Variants in PCDHGA2 observed in about 807,000 individuals in gnomAD.
PCDHGA2 encodes protocadherin gamma subfamily A, 2, also known as protocadherin gamma-A2.
A neutral mutation model predicts 59.2 loss-of-function variants in PCDHGA2; 40 were observed. That is an observed-to-expected ratio of 0.68 (90% CI 0.52 to 0.88). PCDHGA2 has a LOEUF of 0.88. Among genes scored for constraint, PCDHGA2 ranks in the 40% least tolerant of loss-of-function variants. The pLI is 0.00. For missense variants in PCDHGA2, 1,226 were observed against 1,204.0 expected (o/e 1.02, Z -0.27); for synonymous variants, 560 against 526.0 (o/e 1.06, Z -0.89).
At chr5:141,460,488 T>C (rs1226287742) in intron 1 of PCDHGA2, among the ~76,000 whole-genome samples, 1 of 152,186 alleles carries the variant, frequency 6.6e-6, no homozygotes, top group Admixed American at 6.6e-5. Flanking sequence ...ATTGTCTCTT[T>C]GGAAAAATAT....
chr5:141,398,563 G>A lies in PCDHGA2; in HGVS notation c.2424+57168G>A, dbSNP rs375890903. The A allele has an allele frequency of 2.4e-5, 39 of 1,613,842 alleles. No individual in the cohort carries two copies. The African/African-American group carries it at 3.2e-4, about 13-fold the overall frequency. On this transcript the variant is annotated intron_variant, in intron 1 of 3. Coordinates refer to ENST00000394576, the MANE Select transcript of PCDHGA2 (RefSeq NM_018915.4). Reference sequence around the variant, plus strand: ...CTTTGAGCTGCAAATAAGTGAGTCTGCACAGCCTGGCACAAGATTTATACT... The same window carrying A: ...CTTTGAGCTGCAAATAAGTGAGTCTACACAGCCTGGCACAAGATTTATACT...
In PCDHGA2 at chr5:141,491,652, G is replaced by A. The variant is rs370043428; in HGVS notation, c.2425-3155G>A. ...AGCAGCCCACAGCTCTGGCGCTGGAGCCTGACGCCATCCGGTCCCGCTCTA... is the reference window on the plus strand; with the variant it reads ...AGCAGCCCACAGCTCTGGCGCTGGAACCTGACGCCATCCGGTCCCGCTCTA... On this transcript the variant is annotated intron_variant, in intron 1 of 3. Transcript: ENST00000394576. This position sits in a 1 kb window ranked among gnomAD's most constrained non-coding sequence, Gnocchi z 6.9. 2 of 1,613,726 alleles carry A rather than the reference G, an allele frequency of 1.2e-6. No homozygotes were observed. Among genetic ancestry groups the A allele is most frequent in the African/African-American group, 1.3e-5 (1 of 74,944 alleles).
In PCDHGA2 at chr5:141,384,330, G is replaced by A. The variant is rs758151138; in HGVS notation, c.2424+42935G>A. 44 of 1,613,830 alleles carry A rather than the reference G, an allele frequency of 2.7e-5. No individual in the cohort carries two copies. The African/African-American group carries it at 2.8e-4, about 10-fold the overall frequency. On this transcript the variant is annotated intron_variant, in intron 1 of 3. Coordinates refer to ENST00000394576, the MANE Select transcript of PCDHGA2 (RefSeq NM_018915.4). ...CCTCCATTTTCTTAGTGACTGCACA[G>A]GACCACGACAGTGAGGATAATGCCC...
chr5:141,440,181 G>A (rs1419736461), intron 1 of PCDHGA2: 7 of 152,312 alleles, frequency 4.6e-5, no homozygotes, highest in Non-Finnish European at 8.8e-5. Context: ...CTTTGAAATA[G>A]TTGAAGGCCA....
intron 1 of PCDHGA2, chr5:141,356,910 T>G: frequency 6.2e-7 from 1 of 1,614,140 alleles, no homozygotes; most frequent in Admixed American, 1.7e-5. Flanking sequence ...TCCCTACTGA[T>G]GGCTCCACTG....
rs1331087585 is a variant in PCDHGA2 at position 141,365,757 on chromosome 5, C to G, written c.2424+24362C>G. 6 of 1,613,830 alleles carry G rather than the reference C, an allele frequency of 3.7e-6. No individual in the cohort carries two copies. The South Asian group carries it at 6.6e-5, about 18-fold the overall frequency. On this transcript the variant is annotated intron_variant, in intron 1 of 3. Transcript: ENST00000394576. ...GGTGTCTCTATCTTCTCTGTGACAG[C>G]CCATGACCCCGACAGCGGCGACAAC...
chr5:141,491,802 G>A lies in PCDHGA2; in HGVS notation c.2425-3005G>A. 6.7e-7 allele frequency: 1 copy of A among 1,497,480 alleles called. No homozygotes were observed. Among genetic ancestry groups the A allele is most frequent in the East Asian group, 2.5e-5 (1 of 40,518 alleles). The allele number at this position is 1,497,480 out of a possible 1,614,324, so 92.8% of individuals were successfully genotyped here. ...ACTTGCATCCACTCCTCTCCGGCCG[G>A]CTTGGTCGCTGGCTGCGCTCCACCC... On this transcript the variant is annotated intron_variant, in intron 1 of 3. Coordinates refer to ENST00000394576, the MANE Select transcript of PCDHGA2 (RefSeq NM_018915.4). The surrounding 1 kb of genome is among the most constrained non-coding windows in gnomAD (Gnocchi z 6.9).
intron 1 of PCDHGA2, chr5:141,360,159 C>A (rs1325055088): frequency 9.3e-6 from 15 of 1,604,390 alleles, no homozygotes; most frequent in East Asian, 2.2e-5. Flanking sequence ...CAGGGAGGTG[C>A]GGGCTGGTGC....
chr5:141,421,910 C>G, intron 1 of PCDHGA2: 1 of 1,613,716 alleles, frequency 6.2e-7, no homozygotes, highest in Non-Finnish European at 8.5e-7. Flanking sequence ...GGCGCAGTTC[C>G]CATTCGTGTG....
At chr5:141,428,024 A>G (rs2097101613) in intron 1 of PCDHGA2, 1 of 1,606,106 alleles carries the variant, frequency 6.2e-7, no homozygotes, top group African/African-American at 1.3e-5. Context: ...CACGCGCCGC[A>G]GAGTCCGGCT....
intron 1 of PCDHGA2, chr5:141,362,041 G>T (rs767982105): frequency 2.5e-6 from 4 of 1,610,230 alleles, no homozygotes; most frequent in Admixed American, 1.7e-5. Context: ...GGGCGACAGG[G>T]ACGCGGCCCG....
Position 141,341,331 on chromosome 5 carries a change from A to C in PCDHGA2, c.2360A>C (p.Lys787Thr). The C allele has an allele frequency of 6.2e-7, 1 of 1,614,256 alleles. No individual in the cohort carries two copies. The highest frequency in any genetic ancestry group is 8.5e-7 in the Non-Finnish European group (1 of 1,180,044). Reference sequence around the variant, plus strand: ...CTCATCAGCCAGGAGAGCTGTGAGAAAAAGGATTTTTTATCAGCGCCTCAA... The same window carrying C: ...CTCATCAGCCAGGAGAGCTGTGAGACAAAGGATTTTTTATCAGCGCCTCAA... ...DTLISQESCE[K>T]KDFLSAPQSL... is the part of the protein sequence containing the mutation. Residue 787 changes from lysine (K) to threonine (T), a missense_variant, in exon 1 of 4, where the codon AAA (lysine) becomes ACA (threonine). Transcript: ENST00000394576.
chr5:141,393,259 G>C (rs1561641378), intron 1 of PCDHGA2: 1 of 1,613,874 alleles, frequency 6.2e-7, no homozygotes, highest in Admixed American at 1.7e-5. Flanking sequence ...GCGGTTCCTG[G>C]AGCACGTTAT....
chr5:141,343,206 A>G (rs1561486217), intron 1 of PCDHGA2: 20 of 720,410 alleles, frequency 2.8e-5, no homozygotes, highest in Non-Finnish European at 3.1e-5. Flanking sequence ...ATGCCTAATT[A>G]TGTGTTTGTT....
chr5:141,425,844 G>C (rs985746948), intron 1 of PCDHGA2, among the ~76,000 whole-genome samples: 1 of 152,104 alleles, frequency 6.6e-6, no homozygotes, highest in Admixed American at 6.6e-5. Flanking sequence ...CTCTTTGCTG[G>C]GTTAATGACT....
chr5:141,394,588 T>C, intron 1 of PCDHGA2: 5 of 1,613,660 alleles, frequency 3.1e-6, no homozygotes, highest in Non-Finnish European at 4.2e-6. Flanking sequence ...ACCAAGGTGG[T>C]GGCGGTGGAC....
Position 141,414,827 on chromosome 5 carries a change from C to T in PCDHGA2, c.2424+73432C>T, listed in dbSNP as rs1253521902. On this transcript the variant is annotated intron_variant, in intron 1 of 3. Coordinates refer to ENST00000394576, the MANE Select transcript of PCDHGA2 (RefSeq NM_018915.4). Reference sequence around the variant, plus strand: ...GATCCTCCACTCAGCAGCAACGTGTCGTTGAGCCTGTTTGTGCTGGACCAG... The same window carrying T: ...GATCCTCCACTCAGCAGCAACGTGTTGTTGAGCCTGTTTGTGCTGGACCAG... 1.9e-6 allele frequency: 3 copies of T among 1,614,116 alleles called. No individual in the cohort carries two copies. Among genetic ancestry groups the T allele is most frequent in the African/African-American group, 1.3e-5 (1 of 74,946 alleles).
intron 1 of PCDHGA2, chr5:141,371,712 C>CTGCA: frequency 1.2e-6 from 2 of 1,614,078 alleles, no homozygotes; most frequent in Non-Finnish European, 1.7e-6. Context: ...GACCATCACT[C>CTGCA]TGCACATCCT....
chr5:141,395,562 G>T (rs975935179), intron 1 of PCDHGA2: 2 of 227,450 alleles, frequency 8.8e-6, no homozygotes, highest in Non-Finnish European at 1.7e-5. Context: ...GTGTGTGTGT[G>T]TGTGTGTGTG....
Sources: gnomAD v4.1 joint callset for allele counts (sites outside exome capture counted in the v4.1 genomes callset) on GRCh38, gnomAD v4.1.1 for gene constraint, Gnocchi (gnomAD v3.1) non-coding constraint, MANE v1.5 for transcripts, NCBI Gene and HGNC (gene_info 2026-07-23, HGNC 2026-07-21) for gene names.